The following ICE2 variants were observed in gnomAD, a reference collection of about 807,000 sequenced individuals.
ICE2 encodes the protein little elongation complex subunit 2.
ICE2 carries 87 observed loss-of-function variants against 105.4 expected under a neutral mutation model. That is an observed-to-expected ratio of 0.83 (90% CI 0.69 to 0.99). The LOEUF (loss-of-function observed/expected upper bound fraction) is 0.99. Ranked by LOEUF, ICE2 falls within the 50% of genes least tolerant of loss-of-function variation. ICE2 has a pLI of 0.00. For missense variants in ICE2, 1,323 were observed against 1,146.7 expected (o/e 1.15, Z -2.22); for synonymous variants, 399 against 392.0 (o/e 1.02, Z -0.21).
At chr15:60,451,136 G>C (rs2063956390) in intron 9 of ICE2, 1 of 793,534 alleles carries the variant, frequency 1.3e-6, no homozygotes, top group Non-Finnish European at 1.5e-6. Context: ...AAAAATAAAA[G>C]AAAAATTTGA....
chr15:60,446,021 TA>T (rs2141049284), intron 11 of ICE2, among the ~76,000 whole-genome samples: 1 of 152,358 alleles, frequency 6.6e-6, no homozygotes, highest in African/African-American at 2.4e-5. Flanking sequence ...TCAAATCTTT[TA>T]ATTCACAGGA....
rs2064333561 is a variant in ICE2, at chr15:60,463,392, A to G, written c.528+3202T>C. Among the ~76,000 whole-genome samples the G allele has an allele frequency of 2.0e-5, 3 of 152,220 alleles. No individual in the cohort carries two copies. In the South Asian group the frequency reaches 6.2e-4, roughly 31 times the overall value. On this transcript the variant is annotated intron_variant, in intron 5 of 15. Coordinates refer to ENST00000261520, the MANE Select transcript of ICE2 (RefSeq NM_024611.6). ...GGACAGAAATGAAAATGAATGAACT[A>G]CAACTCATACAACCTAAGAATCAAA...
intron 15 of ICE2, among the ~76,000 whole-genome samples, chr15:60,426,841 C>A (rs1468731924): frequency 6.6e-6 from 1 of 152,142 alleles, no homozygotes; most frequent in Non-Finnish European, 1.5e-5. Flanking sequence ...AAAAGGAAAT[C>A]ATTCTCCTAG....
At chr15:60,435,858 C>A (rs2063575310) in intron 13 of ICE2, among the ~76,000 whole-genome samples, 1 of 151,400 alleles carries the variant, frequency 6.6e-6, no homozygotes, top group Admixed American at 6.6e-5. Context: ...CACCTGTAGT[C>A]CCTACTTGGG....
chr15:60,442,151 G>A (rs1473597015), intron 12 of ICE2: 4 of 278,080 alleles, frequency 1.4e-5, no homozygotes, highest in Non-Finnish European at 2.6e-5. Context: ...AAATTAGCTG[G>A]GCATGGTAGC....
chr15:60,468,074 T>C lies in ICE2; in HGVS notation c.395A>G (p.Tyr132Cys), dbSNP rs767265463. ...SKAVGINKND[Y>C]LQYLDMKKHV... Reference sequence around the variant, plus strand: ...CACAATACATACCAAGTACTGCAAGTAGTCATTTTTATTTATTCCAACAGC... The same window carrying C: ...CACAATACATACCAAGTACTGCAAGCAGTCATTTTTATTTATTCCAACAGC... Residue 132 changes from tyrosine to cysteine, a missense_variant, in exon 4 of 16, where the codon TAC becomes TGC. Tyr to Cys is a radical substitution (Grantham distance 194). Transcript: ENST00000261520. The C allele has an allele frequency of 2.5e-6, 4 of 1,612,074 alleles. No homozygotes were observed. Among genetic ancestry groups the C allele is most frequent in the Admixed American group, 1.7e-5 (1 of 59,876 alleles).
chr15:60,450,091 T>C (rs888731128), intron 9 of ICE2, among the ~76,000 whole-genome samples: 5 of 152,168 alleles, frequency 3.3e-5, no homozygotes, highest in Non-Finnish European at 7.3e-5. Context: ...AAATGGAATA[T>C]TTACAAACTA....
chr15:60,445,562 C>G (rs4775272), intron 11 of ICE2: 939,888 of 956,580 alleles, frequency 0.98, 463,155 homozygotes, highest in East Asian at 1. Context: ...GAAATATAAG[C>G]CTTCTATTTA....
chr15:60,433,645 C>T (rs2063513643), intron 13 of ICE2, among the ~76,000 whole-genome samples: 1 of 151,842 alleles, frequency 6.6e-6, no homozygotes, highest in Non-Finnish European at 1.5e-5. Context: ...TGCCCACCAC[C>T]ACACTTGACT....
At chr15:60,424,420 A>ATGGGCAAAGGGGAAGAGGGGGCTTAGAG (rs56371232) in intron 15 of ICE2, among the ~76,000 whole-genome samples, 1 of 149,336 alleles carries the variant, frequency 6.7e-6, no homozygotes, top group Non-Finnish European at 1.5e-5. Flanking sequence ...AATACAGAGG[A>ATGGGCAAAGGGGAAGAGGGGGCTTAGAG]TGGGGGAAGG....
chr15:60,436,752 T>C (rs2063601270), intron 12 of ICE2, among the ~76,000 whole-genome samples: 1 of 150,162 alleles, frequency 6.7e-6, no homozygotes, highest in African/African-American at 2.5e-5. Context: ...AAAGTTACAT[T>C]TGCATGGCGT....
chr15:60,472,475 A>G (rs886302713), intron 3 of ICE2, among the ~76,000 whole-genome samples: 1 of 152,238 alleles, frequency 6.6e-6, no homozygotes, highest in African/African-American at 2.4e-5. Flanking sequence ...TAGAAACATC[A>G]TATCAATAAC....
chr15:60,454,172 G>T (rs1418432879), intron 8 of ICE2, among the ~76,000 whole-genome samples: 1 of 151,972 alleles, frequency 6.6e-6, no homozygotes, highest in Non-Finnish European at 1.5e-5. Flanking sequence ...TTCATTTATT[G>T]TATTTATGCT....
chr15:60,420,525 T>G lies in ICE2; in HGVS notation c.*3109A>C, dbSNP rs1213847826. The G allele has an allele frequency of 6.6e-6, 1 of 152,276 alleles. No homozygotes were observed. Among genetic ancestry groups the G allele is most frequent in the African/African-American group, 2.4e-5 (1 of 41,466 alleles). The allele number at this position is 152,276 out of a possible 1,614,324, so 9.4% of individuals were successfully genotyped here. On this transcript the variant is annotated 3_prime_UTR_variant, in exon 16 of 16. Coordinates refer to ENST00000261520, the MANE Select transcript of ICE2 (RefSeq NM_024611.6). ...TAACCTTCACTACTGGTTCCCACAT[T>G]GCACAGGACAAAGTTCAAATGTCTT...
intron 3 of ICE2, among the ~76,000 whole-genome samples, chr15:60,472,221 A>G (rs752495080): frequency 1.3e-5 from 2 of 152,114 alleles, no homozygotes; most frequent in Admixed American, 1.3e-4. Flanking sequence ...ATTCATTTGT[A>G]AAAACACTAT....
At chr15:60,444,796 T>C (rs936168024) in intron 11 of ICE2, among the ~76,000 whole-genome samples, 3 of 152,192 alleles carry the variant, frequency 2.0e-5, no homozygotes, top group South Asian at 2.1e-4. Flanking sequence ...GCGATTCTCC[T>C]GCCTCAGCCT....
intron 5 of ICE2, 151 bp from the exon 6 acceptor site, chr15:60,456,945 T>C (rs1198231798): frequency 1.2e-5 from 4 of 336,488 alleles, no homozygotes; most frequent in African/African-American, 8.6e-5. Context: ...GTATATTCTT[T>C]ATTTTCATAT....
chr15:60,468,047 A>G lies in ICE2; in HGVS notation c.408+14T>C. 6.7e-7 allele frequency: 1 copy of G among 1,502,978 alleles called. No individual in the cohort carries two copies. The allele number at this position is 1,502,978 out of a possible 1,614,324, so 93.1% of individuals were successfully genotyped here. ...TTATTATTTTTTCCTGAAACTGAAG[A>G]ACACAATACATACCAAGTACTGCAA... On this transcript the variant is annotated intron_variant, in intron 4 of 15. Coordinates refer to ENST00000261520, the MANE Select transcript of ICE2 (RefSeq NM_024611.6).
rs778547286 is a variant in ICE2, at chr15:60,468,120, T to C, written c.349A>G (p.Lys117Glu). The C allele has an allele frequency of 3.7e-6, 6 of 1,613,880 alleles. No individual in the cohort carries two copies. The Admixed American group carries it at 5.0e-5, about 13-fold the overall frequency. ...ACAGCTTTGGAATTTGCAGGAATCTTTGCGTATTTAACCAACAAGTCCACA... is the reference window on the plus strand; with the variant it reads ...ACAGCTTTGGAATTTGCAGGAATCTCTGCGTATTTAACCAACAAGTCCACA... ...SYVDLLVKYAKIPANSKAVGI... is the reference protein window; with the variant it reads ...SYVDLLVKYAEIPANSKAVGI... Residue 117 changes from lysine (K) to glutamate (E), a missense_variant, in exon 4 of 16, where the codon AAG becomes GAG. Transcript: ENST00000261520.
Sources: gnomAD v4.1 joint callset for allele counts (sites outside exome capture counted in the v4.1 genomes callset) on GRCh38, gnomAD v4.1.1 for gene constraint, MANE v1.5 for transcripts, NCBI Gene and HGNC (gene_info 2026-07-23, HGNC 2026-07-21) for gene names.